Variants in RSPH14 observed in about 807,000 individuals in gnomAD.
RSPH14 encodes radial spoke head 14 homolog.
In RSPH14, 20 loss-of-function variants were observed where a neutral mutation model predicts 26.7. That is an observed-to-expected ratio of 0.75 (90% CI 0.53 to 1.09). The LOEUF is 1.09. RSPH14 is among the 50% of genes least tolerant of loss of function. The probability of loss-of-function intolerance (pLI) is 0.00; values close to 1 mark genes in which losing one functional copy is unlikely to be tolerated. For synonymous variants in RSPH14, 177 were observed against 189.3 expected (o/e 0.93, Z 0.53); for missense variants, 449 against 457.2 (o/e 0.98, Z 0.16).
chr22:23,135,635 T>C (rs1402508854), intron 3 of RSPH14, among the ~76,000 whole-genome samples: 1 of 152,130 alleles, frequency 6.6e-6, no homozygotes, highest in East Asian at 1.9e-4. Flanking sequence ...ATGTTATGAG[T>C]ATGGTTTAAG....
At chr22:23,174,927 A>G in the RSPH14 span, among the ~76,000 whole-genome samples, 4 of 151,560 alleles carry the variant, frequency 2.6e-5, no homozygotes, top group African/African-American at 9.7e-5. Context: ...AGATCACGCC[A>G]TTGCACTGCA....
At chr22:23,165,387 C>T in the RSPH14 span, among the ~76,000 whole-genome samples, 1 of 152,192 alleles carries the variant, frequency 6.6e-6, no homozygotes, top group Non-Finnish European at 1.5e-5. Context: ...TCCTGTCTGA[C>T]CCAGAGACCC....
At position 23,110,881 on chromosome 22, in the gene RSPH14, CA is replaced by C. The variant is rs148130994; in HGVS notation, c.421+23144del. The stretch of plus-strand genomic sequence containing the variant: ...CTCTGAGGCTGGCGAGCACACGGGG[CA>C]ACTCAGGCCTCCCTGCCCACCATCT... On this transcript the variant is annotated intron_variant, in intron 4 of 6. Coordinates refer to ENST00000216036, the MANE Select transcript of RSPH14 (RefSeq NM_014433.3). 6.6e-5 allele frequency among the ~76,000 whole-genome samples: 10 copies of C among 152,306 alleles called. No homozygotes were observed. The East Asian group carries it at 1.9e-3, about 29-fold the overall frequency.
chr22:23,060,074 G>A (rs1286305266), intron 6 of RSPH14, among the ~76,000 whole-genome samples: 1 of 152,168 alleles, frequency 6.6e-6, no homozygotes, highest in Admixed American at 6.5e-5. Flanking sequence ...AGCTACTCAG[G>A]AGACTGAGCG....
intron 4 of RSPH14, among the ~76,000 whole-genome samples, chr22:23,066,881 C>T (rs2068224476): frequency 2.0e-5 from 3 of 152,170 alleles, no homozygotes; most frequent in Admixed American, 1.3e-4. Context: ...ATGCCCACCC[C>T]ACCCCCGGGA....
At chr22:23,081,321 A>T (rs1288679012) in intron 4 of RSPH14, among the ~76,000 whole-genome samples, 2 of 152,200 alleles carry the variant, frequency 1.3e-5, no homozygotes, top group Non-Finnish European at 2.9e-5. Flanking sequence ...CTGATTTAGG[A>T]AGAGTTTGTG....
chr22:23,164,721 TC>T, the RSPH14 span, among the ~76,000 whole-genome samples: 1 of 152,090 alleles, frequency 6.6e-6, no homozygotes, highest in Non-Finnish European at 1.5e-5. Context: ...TTTTTCCTCT[TC>T]CCTGTTTCCC....
intron 4 of RSPH14, among the ~76,000 whole-genome samples, chr22:23,108,805 A>C (rs1053867635): frequency 6.6e-6 from 1 of 152,224 alleles, no homozygotes; most frequent in Non-Finnish European, 1.5e-5. Flanking sequence ...GGCCACCCCA[A>C]GTGTTAGCAT....
At chr22:23,078,661 C>G (rs1197222455) in intron 4 of RSPH14, among the ~76,000 whole-genome samples, 1 of 152,258 alleles carries the variant, frequency 6.6e-6, no homozygotes, top group Non-Finnish European at 1.5e-5. Context: ...GCTGCAGCCC[C>G]AGGCTCTGGG....
chr22:23,133,803 T>A (rs2070408593), intron 4 of RSPH14: 1 of 418,766 alleles, frequency 2.4e-6, no homozygotes, highest in African/African-American at 2.0e-5. Flanking sequence ...TTGGCCAGGC[T>A]GGTGTCGAAC....
rs376522272 is a variant in RSPH14, at chr22:23,076,302, G to A, written c.422-12169C>T. On this transcript the variant is annotated intron_variant, in intron 4 of 6. Coordinates refer to ENST00000216036, the MANE Select transcript of RSPH14 (RefSeq NM_014433.3). ...GTGTAAGCTCCATGAGGGCAGGGAC[G>A]TTGCGGAGTCACCATTGAGAATCGC... 1.8e-4 allele frequency among the ~76,000 whole-genome samples: 27 copies of A among 152,310 alleles called. No individual in the cohort carries two copies. In the East Asian group the frequency reaches 4.2e-3, roughly 24 times the overall value.
the RSPH14 span, chr22:23,180,057 G>A: frequency 8.6e-6 from 3 of 350,140 alleles, no homozygotes; most frequent in Non-Finnish European, 1.6e-5. Flanking sequence ...TAGGGGCAGA[G>A]GGGGGAGGTT....
chr22:23,150,117 A>G, the RSPH14 span: 27 of 1,612,718 alleles, frequency 1.7e-5, no homozygotes, highest in East Asian at 5.6e-4. Context: ...CGGGCAGGTC[A>G]GCGCTGCCTG....
chr22:23,065,534 CAA>C (rs10562943), intron 4 of RSPH14, among the ~76,000 whole-genome samples: 5 of 45,178 alleles, frequency 1.1e-4, no homozygotes, highest in African/African-American at 3.5e-4. Flanking sequence ...GCACAGATTG[CAA>C]AAAAAAAAAA....
intron 4 of RSPH14, among the ~76,000 whole-genome samples, chr22:23,082,377 A>ATTT (rs34931887): frequency 8.6e-6 from 1 of 116,488 alleles, no homozygotes; most frequent in Non-Finnish European, 1.8e-5. Context: ...ACACCTGGCT[A>ATTT]TTTTTTTTTT....
Position 23,134,123 on chromosome 22 carries a change from G to T in RSPH14, c.324C>A (p.Asp108Glu). ...SVGRYAFLEH[D>E]IVLALSFLLN... Reference sequence around the variant, plus strand: ...GCAGGAAGGACAGGGCAAGGACGATGTCGTGCTCTAGAAAGGCGTATCTAG... The same window carrying T: ...GCAGGAAGGACAGGGCAAGGACGATTTCGTGCTCTAGAAAGGCGTATCTAG... The change falls in exon 4 of 7, where the codon GAC (aspartate) becomes GAA (glutamate). Residue 108 changes from aspartate (D) to glutamate (E), a missense_variant. Transcript: ENST00000216036. 1 of 1,611,564 alleles carries T rather than the reference G, an allele frequency of 6.2e-7. No homozygotes were observed. Among genetic ancestry groups the T allele is most frequent in the African/African-American group, 1.3e-5 (1 of 75,002 alleles).
At chr22:23,153,624 A>G in the RSPH14 span, 5 of 977,566 alleles carry the variant, frequency 5.1e-6, no homozygotes, top group Non-Finnish European at 6.0e-6. Context: ...GGTCTGAGGC[A>G]CTCGTCTTCC....
the RSPH14 span, chr22:23,153,179 G>C: frequency 1.4e-6 from 2 of 1,438,968 alleles, no homozygotes; most frequent in Non-Finnish European, 2.0e-6. Context: ...CTTCCTACAG[G>C]CACCTGAGAA....
chr22:23,144,587 C>A (rs2070678989), upstream of RSPH14, among the ~76,000 whole-genome samples: 1 of 151,930 alleles, frequency 6.6e-6, no homozygotes, highest in African/African-American at 2.4e-5. Context: ...GTGTGGTGGC[C>A]CTTGCCTGTA....
Sources: allele counts gnomAD v4.1 joint callset (sites outside exome capture counted in the v4.1 genomes callset), GRCh38; gene constraint gnomAD v4.1.1; transcripts MANE v1.5; gene names NCBI Gene and HGNC (gene_info 2026-07-23, HGNC 2026-07-21).